Variants in DAB1 observed in about 807,000 individuals in gnomAD.
DAB1 encodes disabled homolog 1.
A neutral mutation model predicts 64.6 loss-of-function variants in DAB1; 15 were observed. That is an observed-to-expected ratio of 0.23 (90% CI 0.16 to 0.36). DAB1 has a LOEUF of 0.36. Ranked by LOEUF, DAB1 falls within the 10% of genes least tolerant of loss-of-function variation. The pLI, the probability that DAB1 is intolerant of heterozygous loss-of-function variation, is 1.00. For missense variants in DAB1, 596 were observed against 706.7 expected (o/e 0.84, Z 1.78); for synonymous variants, 235 against 251.9 (o/e 0.93, Z 0.64).
intron 3 of DAB1, among the ~76,000 whole-genome samples, chr1:58,432,480 G>A (rs778207121): frequency 2.0e-5 from 3 of 152,150 alleles, no homozygotes; most frequent in Admixed American, 6.5e-5. Flanking sequence ...ATGAATAAAT[G>A]AGTCAAGACA....
chr1:58,268,779 G>A (rs1619352), intron 4 of DAB1, among the ~76,000 whole-genome samples: 96,996 of 151,956 alleles, frequency 0.64, 32,758 homozygotes, highest in East Asian at 0.87. Flanking sequence ...AAATTTTTAC[G>A]AAATCTTAAA....
intron 3 of DAB1, among the ~76,000 whole-genome samples, chr1:58,436,818 C>T (rs530171171): frequency 2.6e-5 from 4 of 152,330 alleles, no homozygotes; most frequent in South Asian, 2.1e-4. Context: ...GCGATGTTTG[C>T]ACTTCCCATT....
chr1:58,387,756 G>A (rs751841856), intron 3 of DAB1, among the ~76,000 whole-genome samples: 10 of 122,692 alleles, frequency 8.2e-5, no homozygotes, highest in Non-Finnish European at 1.6e-4. Context: ...ACAGAGTCTC[G>A]CTCTGTGTTG....
At chr1:58,305,091 A>G (rs1322550920) in intron 4 of DAB1, among the ~76,000 whole-genome samples, 3 of 152,058 alleles carry the variant, frequency 2.0e-5, no homozygotes, top group Non-Finnish European at 4.4e-5. Context: ...CCTGGGCTCA[A>G]GTAATCACAG....
At chr1:57,636,682 G>A (rs1350877419) in intron 7 of DAB1, among the ~76,000 whole-genome samples, 2 of 152,138 alleles carry the variant, frequency 1.3e-5, no homozygotes, top group Non-Finnish European at 2.9e-5. Context: ...GTGGGTCAAA[G>A]GTGGCTCCAA....
intron 7 of DAB1, among the ~76,000 whole-genome samples, chr1:57,580,713 C>A (rs972478909): frequency 6.6e-6 from 1 of 152,170 alleles, no homozygotes; most frequent in Non-Finnish European, 1.5e-5. Flanking sequence ...ATAATTGCAG[C>A]TACTCGTCAC....
At chr1:57,322,403 A>G (rs1246157101) in intron 1 of DAB1, among the ~76,000 whole-genome samples, 1 of 152,106 alleles carries the variant, frequency 6.6e-6, no homozygotes, top group Admixed American at 6.5e-5. Flanking sequence ...CTCTCTTCCT[A>G]TTAAAAGAGA....
chr1:57,481,524 A>T (rs896530094), intron 7 of DAB1, among the ~76,000 whole-genome samples: 3 of 152,180 alleles, frequency 2.0e-5, no homozygotes, highest in Non-Finnish European at 4.4e-5. Flanking sequence ...TACAGCCACG[A>T]TGATGACGAT....
intron 1 of DAB1, among the ~76,000 whole-genome samples, chr1:57,830,121 A>G (rs1016102430): frequency 1.3e-5 from 2 of 152,154 alleles, no homozygotes; most frequent in African/African-American, 2.4e-5. Context: ...CTTGCCCAAG[A>G]ATGTTCTGTA....
intron 6 of DAB1, among the ~76,000 whole-genome samples, chr1:57,756,785 G>A (rs1648831081): frequency 6.6e-6 from 1 of 152,134 alleles, no homozygotes; most frequent in African/African-American, 2.4e-5. Context: ...CTACTAAGTG[G>A]TAAAGCAGGA....
intron 4 of DAB1, among the ~76,000 whole-genome samples, chr1:57,106,294 TG>T (rs1287010993): frequency 6.7e-6 from 1 of 150,290 alleles, no homozygotes; most frequent in African/African-American, 2.5e-5. Flanking sequence ...ATTGAATGTT[TG>T]GGGGGAATTT....
chr1:57,795,725 A>G (rs530112273), intron 6 of DAB1, among the ~76,000 whole-genome samples: 1 of 118,586 alleles, frequency 8.4e-6, no homozygotes, highest in East Asian at 2.5e-4. Flanking sequence ...ATATATATAT[A>G]TATATATATC....
intron 5 of DAB1, among the ~76,000 whole-genome samples, chr1:57,974,043 C>A (rs1020928082): frequency 6.6e-6 from 1 of 152,104 alleles, no homozygotes; most frequent in South Asian, 2.1e-4. Context: ...CCCACCCCTG[C>A]CTCCTTGTCC....
chr1:57,691,457 C>T (rs555236006), intron 6 of DAB1, among the ~76,000 whole-genome samples: 5 of 152,124 alleles, frequency 3.3e-5, no homozygotes, highest in Admixed American at 6.5e-5. Flanking sequence ...GAGACAGCAG[C>T]GGCAACCTGC....
chr1:57,822,875 C>T (rs182592066), downstream of DAB1, among the ~76,000 whole-genome samples: 1 of 151,820 alleles, frequency 6.6e-6, no homozygotes, highest in African/African-American at 2.4e-5. Context: ...TTTTTCAAAC[C>T]AGATTTTGAA....
At chr1:57,379,242 A>C (rs912665452) in intron 1 of DAB1, among the ~76,000 whole-genome samples, 1 of 150,552 alleles carries the variant, frequency 6.6e-6, no homozygotes, top group Non-Finnish European at 1.5e-5. Flanking sequence ...CCACTGCTTA[A>C]AAAACAAAAA....
chr1:58,024,034 GT>G (rs1159463009), intron 5 of DAB1, among the ~76,000 whole-genome samples: 2 of 152,236 alleles, frequency 1.3e-5, no homozygotes, highest in Admixed American at 6.5e-5. Flanking sequence ...TGGCATGAGA[GT>G]TTTTTATTAA....
At chr1:58,151,279 T>C (rs907465073) in intron 4 of DAB1, among the ~76,000 whole-genome samples, 1 of 152,368 alleles carries the variant, frequency 6.6e-6, no homozygotes, top group Admixed American at 6.5e-5. Flanking sequence ...CTGTCTTCCA[T>C]AATGGTTGAA....
intron 7 of DAB1, among the ~76,000 whole-genome samples, chr1:57,644,092 C>T (rs892502941): frequency 7.2e-5 from 11 of 152,038 alleles, no homozygotes; most frequent in African/African-American, 2.2e-4. Flanking sequence ...GCATTATCTT[C>T]GAAAGGCACA....
Sources: allele counts gnomAD v4.1 joint callset (sites outside exome capture counted in the v4.1 genomes callset), GRCh38; gene constraint gnomAD v4.1.1; transcripts MANE v1.5; gene names NCBI Gene and HGNC (gene_info 2026-07-23, HGNC 2026-07-21).